The following IL1RAPL1 variants were observed in gnomAD, a reference collection of about 807,000 sequenced individuals.
The protein encoded by IL1RAPL1 is interleukin 1 receptor accessory protein like 1.
A neutral mutation model predicts 48.4 loss-of-function variants in IL1RAPL1; 3 were observed. The ratio of observed to expected loss-of-function variants is 0.06; its 90% CI spans 0.03 to 0.16. The LOEUF (loss-of-function observed/expected upper bound fraction) is 0.16. Among genes scored for constraint, IL1RAPL1 ranks in the 10% least tolerant of loss-of-function variants. The pLI is 1.00. For synonymous variants in IL1RAPL1, 185 were observed against 187.7 expected, an observed-to-expected ratio of 0.99 and a Z score of 0.12; for missense variants, 349 against 530.6, an observed-to-expected ratio of 0.66 and a Z score of 3.36.
At chrX:28,686,846 G>C (rs1257770477) in intron 1 of IL1RAPL1, among the ~76,000 whole-genome samples, 1 of 111,974 alleles carries the variant, frequency 8.9e-6, no homozygotes, top group Non-Finnish European at 1.9e-5. Context: ...AAGAGATGTT[G>C]TGGACAAATC....
chrX:28,938,084 A>G (rs1212567438), intron 2 of IL1RAPL1, among the ~76,000 whole-genome samples: 2 of 111,540 alleles, frequency 1.8e-5, no homozygotes, highest in Admixed American at 9.6e-5. Flanking sequence ...TTAAAATGGC[A>G]ATACTATCCA....
At chrX:29,591,817 A>C (rs1055454158) in intron 5 of IL1RAPL1, among the ~76,000 whole-genome samples, 3 of 112,624 alleles carry the variant, frequency 2.7e-5, no homozygotes, top group African/African-American at 9.7e-5. Context: ...ATGGATTCTT[A>C]TTACTGCCAT....
At position 29,803,133 on chromosome X, in the gene IL1RAPL1, G is replaced by A. The variant is rs755806921; in HGVS notation, c.779-114331G>A. On this transcript the variant is annotated intron_variant, in intron 6 of 10. Coordinates refer to ENST00000378993, the MANE Select transcript of IL1RAPL1 (RefSeq NM_014271.4). ...TATGTATATATGTGTATACATGTAT[G>A]CATATATGTATATATGTGTATACAT... 3.3e-3 allele frequency among the ~76,000 whole-genome samples: 278 copies of A among 85,139 alleles called. 2 individuals are homozygous for A. Among genetic ancestry groups the A allele is most frequent in the Non-Finnish European group, 4.2e-3 (193 of 45,849 alleles). The allele number at this position is 85,139 out of a possible 115,157, so 73.9% of individuals were successfully genotyped here. A position where few individuals can be genotyped will look rare whatever the true frequency, so the allele number is the denominator to read the frequency against.
At chrX:28,750,631 G>A (rs778084130) in intron 1 of IL1RAPL1, among the ~76,000 whole-genome samples, 1 of 111,904 alleles carries the variant, frequency 8.9e-6, no homozygotes, top group South Asian at 3.7e-4. Context: ...GATGGAATGA[G>A]TCATTTCTAT....
chrX:29,892,900 A>T (rs1355195050), intron 6 of IL1RAPL1, among the ~76,000 whole-genome samples: 1 of 112,220 alleles, frequency 8.9e-6, no homozygotes, highest in African/African-American at 3.2e-5. Context: ...GAAACAAGAC[A>T]CAATCTGTTA....
Position 29,123,508 on chromosome X carries a change from C to T in IL1RAPL1, c.83-159430C>T, listed in dbSNP as rs183699319. ...TTCCCGCTAATAAATGGCATTATGA[C>T]GAAATCTGTAGTAAACTGTGGGCAA... On this transcript the variant is annotated intron_variant, in intron 2 of 10. Coordinates refer to ENST00000378993, the MANE Select transcript of IL1RAPL1 (RefSeq NM_014271.4). 3.7e-4 allele frequency among the ~76,000 whole-genome samples: 41 copies of T among 111,944 alleles called. No homozygotes were observed. In the East Asian group the frequency reaches 7.0e-3, roughly 19 times the overall value.
At chrX:28,796,751 G>T (rs911483803) in intron 2 of IL1RAPL1, among the ~76,000 whole-genome samples, 3 of 111,197 alleles carry the variant, frequency 2.7e-5, no homozygotes, top group Admixed American at 9.5e-5. Flanking sequence ...AGCTGTCGGT[G>T]GGTCTACCAT....
intron 2 of IL1RAPL1, among the ~76,000 whole-genome samples, chrX:28,938,925 T>C (rs1924089920): frequency 9.1e-6 from 1 of 109,494 alleles, no homozygotes. Flanking sequence ...GAAAAAAAGG[T>C]CACTATCATT....
rs189444155 is a variant in IL1RAPL1, at chrX:29,048,056, G to A, written c.83-234882G>A. Among the ~76,000 whole-genome samples the A allele has an allele frequency of 3.6e-5, 4 of 111,188 alleles. No individual in the cohort carries two copies. In the East Asian group the frequency reaches 1.1e-3, roughly 31 times the overall value. ...AGAACTGTTATCTTCCATGAGGGAA[G>A]CACTCCTGCAACTTTTACGTGTATG... On this transcript the variant is annotated intron_variant, in intron 2 of 10. Coordinates refer to ENST00000378993, the MANE Select transcript of IL1RAPL1 (RefSeq NM_014271.4).
At chrX:29,513,280 T>A (rs1170739484) in intron 5 of IL1RAPL1, among the ~76,000 whole-genome samples, 1 of 111,782 alleles carries the variant, frequency 8.9e-6, no homozygotes, top group African/African-American at 3.2e-5. Context: ...ATAGAGTGTC[T>A]TTTTGCAAAA....
At chrX:29,278,206 A>G (rs1266971213) in intron 2 of IL1RAPL1, among the ~76,000 whole-genome samples, 1 of 112,289 alleles carries the variant, frequency 8.9e-6, no homozygotes, top group Non-Finnish European at 1.9e-5. Flanking sequence ...TAGCTTTTAC[A>G]TAGGTAGTAA....
chrX:29,507,550 G>A (rs1416909406), intron 5 of IL1RAPL1, among the ~76,000 whole-genome samples: 2 of 96,508 alleles, frequency 2.1e-5, no homozygotes, highest in African/African-American at 3.9e-5. Flanking sequence ...GACTAAAATC[G>A]TCTCTACAAT....
chrX:29,915,865 C>T (rs1932796110), intron 6 of IL1RAPL1, among the ~76,000 whole-genome samples: 1 of 83,291 alleles, frequency 1.2e-5, no homozygotes, highest in Non-Finnish European at 2.3e-5. Context: ...CGTCATCTAG[C>T]ATTAGGTATA....
intron 1 of IL1RAPL1, among the ~76,000 whole-genome samples, chrX:28,755,242 CG>C (rs1352461668): frequency 9.0e-6 from 1 of 111,673 alleles, no homozygotes; most frequent in Non-Finnish European, 1.9e-5. Context: ...GTAATCCACC[CG>C]CCTTGGCCTC....
chrX:28,785,604 G>T (rs1487230810), intron 1 of IL1RAPL1, among the ~76,000 whole-genome samples: 1 of 111,732 alleles, frequency 8.9e-6, no homozygotes, highest in African/African-American at 3.3e-5. Context: ...AAGCCCCAGG[G>T]TGGATAATGT....
intron 2 of IL1RAPL1, among the ~76,000 whole-genome samples, chrX:29,279,602 T>C (rs746046101): frequency 8.9e-6 from 1 of 111,812 alleles, no homozygotes; most frequent in Non-Finnish European, 1.9e-5. Context: ...AGATCCTCCC[T>C]CTGTTTCCAT....
At chrX:29,108,032 A>C (rs1005736037) in intron 2 of IL1RAPL1, among the ~76,000 whole-genome samples, 5 of 112,045 alleles carry the variant, frequency 4.5e-5, no homozygotes, top group African/African-American at 1.6e-4. Flanking sequence ...ACTAGCACAT[A>C]GGTAGCTCAA....
intron 3 of IL1RAPL1, among the ~76,000 whole-genome samples, chrX:29,317,583 C>T (rs1932774672): frequency 8.9e-6 from 1 of 111,881 alleles, no homozygotes; most frequent in Non-Finnish European, 1.9e-5. Context: ...ATGAAATTTA[C>T]CAAAATTTAT....
chrX:29,751,475 A>T (rs1184542918), intron 6 of IL1RAPL1, among the ~76,000 whole-genome samples: 2 of 111,961 alleles, frequency 1.8e-5, no homozygotes, highest in Non-Finnish European at 3.8e-5. Context: ...TTTGGCTAAG[A>T]TCAAGTATAG....
Sources: allele counts gnomAD v4.1 joint callset (sites outside exome capture counted in the v4.1 genomes callset), GRCh38; gene constraint gnomAD v4.1.1; transcripts MANE v1.5; gene names NCBI Gene and HGNC (gene_info 2026-07-23, HGNC 2026-07-21).